SYN3: variants seen among roughly 807,000 people sequenced by gnomAD.
SYN3 encodes synapsin-3.
Under a neutral mutation model 65.8 loss-of-function variants are expected in SYN3, and 35 were observed. The observed-to-expected ratio is 0.53, with a 90% CI of 0.41 to 0.70. SYN3 has a LOEUF of 0.70. SYN3 is among the 30% of genes least tolerant of loss of function. The pLI is 0.00. For synonymous variants in SYN3, 270 were observed against 292.9 expected, an observed-to-expected ratio of 0.92 and a Z score of 0.80; for missense variants, 680 against 749.0, an observed-to-expected ratio of 0.91 and a Z score of 1.08.
rs529290795 is a variant in SYN3, at chr22:32,951,956, C to G, written c.370-20475G>C. Among the ~76,000 whole-genome samples the G allele has an allele frequency of 4.4e-4, 67 of 152,352 alleles. 2 individuals carry two copies. The South Asian group carries it at 0.014, about 32-fold the overall frequency. ...CGATGGCAGACACTTGGCAGGTGGC[C>G]TGAGGCCTGCAGTCAGCAAGAACTG... On this transcript the variant is annotated intron_variant, in intron 3 of 13. Transcript: ENST00000358763.
intron 6 of SYN3, among the ~76,000 whole-genome samples, chr22:32,710,201 C>T (rs2060940968): frequency 6.6e-6 from 1 of 150,852 alleles, no homozygotes; most frequent in Non-Finnish European, 1.5e-5. Flanking sequence ...GCCCAAATCT[C>T]ATGTGAAATG....
At chr22:32,973,431 A>C (rs1255039409) in intron 3 of SYN3, among the ~76,000 whole-genome samples, 1 of 152,120 alleles carries the variant, frequency 6.6e-6, no homozygotes, top group Non-Finnish European at 1.5e-5. Context: ...GCCAAAAAAG[A>C]AAAAGATTAA....
chr22:32,582,223 C>T (rs4821075), intron 7 of SYN3, among the ~76,000 whole-genome samples: 22 of 152,184 alleles, frequency 1.4e-4, no homozygotes, highest in African/African-American at 5.3e-4. Context: ...AATGCCTGGT[C>T]CCTTGGGCAT....
At chr22:32,607,846 T>C (rs2059391916) in intron 6 of SYN3, among the ~76,000 whole-genome samples, 1 of 152,228 alleles carries the variant, frequency 6.6e-6, no homozygotes, top group African/African-American at 2.4e-5. Context: ...ACACTCACCA[T>C]GCAGACAACA....
intron 7 of SYN3, among the ~76,000 whole-genome samples, chr22:32,585,246 G>A (rs146003306): frequency 0.018 from 2,712 of 152,292 alleles, 45 homozygotes; most frequent in Non-Finnish European, 0.022. Flanking sequence ...TCCCAGAGAA[G>A]CAGAGGCCCA....
intron 10 of SYN3, among the ~76,000 whole-genome samples, chr22:32,532,056 C>G (rs369687273): frequency 2.7e-4 from 41 of 152,162 alleles, no homozygotes; most frequent in African/African-American, 9.9e-4. Context: ...TCACAGGGGA[C>G]AGAGAGACTG....
At chr22:33,054,933 G>C (rs1285627275) in intron 1 of SYN3, among the ~76,000 whole-genome samples, 1 of 152,076 alleles carries the variant, frequency 6.6e-6, no homozygotes, top group Non-Finnish European at 1.5e-5. Context: ...AGCAAGTCCT[G>C]TCCATTTTGC....
intron 6 of SYN3, among the ~76,000 whole-genome samples, chr22:32,603,833 C>T (rs917891117): frequency 3.9e-5 from 6 of 152,356 alleles, no homozygotes; most frequent in Non-Finnish European, 2.9e-5. Flanking sequence ...CCCTGTCCCG[C>T]TCACATGCCC....
At chr22:32,735,804 C>T (rs1402421960) in intron 6 of SYN3, among the ~76,000 whole-genome samples, 31 of 152,166 alleles carry the variant, frequency 2.0e-4, no homozygotes, top group Non-Finnish European at 1.0e-4. Flanking sequence ...TCTTGGGCTC[C>T]CACTCATGTC....
At chr22:33,016,500 A>G (rs1032359476) in intron 1 of SYN3, among the ~76,000 whole-genome samples, 4 of 152,202 alleles carry the variant, frequency 2.6e-5, no homozygotes, top group African/African-American at 9.7e-5. Flanking sequence ...CATAAAGACA[A>G]AAAATTTACA....
In SYN3 at chr22:32,953,439, TGA is replaced by T. The variant is rs1332094153; in HGVS notation, c.370-21960_370-21959del. Among the ~76,000 whole-genome samples, 7 of 150,520 alleles carry T rather than the reference TGA, an allele frequency of 4.7e-5. No individual in the cohort carries two copies. The East Asian group carries it at 9.8e-4, about 21-fold the overall frequency. ...GGCAAGAAGACAGAGTGCCAGAAGTTGAGTTTTGTGTTAAATAAAGGGGTCAG... is the reference window on the plus strand; with the variant it reads ...GGCAAGAAGACAGAGTGCCAGAAGTTGTTTTGTGTTAAATAAAGGGGTCAG... On this transcript the variant is annotated intron_variant, in intron 3 of 13. Coordinates refer to ENST00000358763, the MANE Select transcript of SYN3 (RefSeq NM_003490.4).
chr22:32,521,157 C>A (rs946648412), intron 12 of SYN3, among the ~76,000 whole-genome samples: 2 of 152,104 alleles, frequency 1.3e-5, no homozygotes, highest in African/African-American at 4.8e-5. Context: ...AGTAATGAGG[C>A]TTTCAAAAAT....
chr22:32,802,628 C>G (rs1379312710), intron 6 of SYN3, among the ~76,000 whole-genome samples: 3 of 152,118 alleles, frequency 2.0e-5, no homozygotes, highest in Non-Finnish European at 4.4e-5. Context: ...CACTGAGACC[C>G]AACCCAGCTG....
intron 7 of SYN3, among the ~76,000 whole-genome samples, chr22:32,581,292 C>A (rs1476624670): frequency 6.6e-6 from 1 of 152,066 alleles, no homozygotes; most frequent in Non-Finnish European, 1.5e-5. Flanking sequence ...ATGTTTTTAG[C>A]AGAGACGGGT....
chr22:33,043,384 C>A (rs1374682204), intron 1 of SYN3, among the ~76,000 whole-genome samples: 1 of 152,072 alleles, frequency 6.6e-6, no homozygotes, highest in Non-Finnish European at 1.5e-5. Context: ...CCCGTCTCTA[C>A]TAAAAATACA....
intron 4 of SYN3, among the ~76,000 whole-genome samples, chr22:32,882,819 A>G (rs571366549): frequency 6.6e-6 from 1 of 152,214 alleles, no homozygotes; most frequent in South Asian, 2.1e-4. Context: ...GAACTTTGCA[A>G]TATGTATATG....
At chr22:33,031,037 C>T (rs1359155309) in intron 1 of SYN3, among the ~76,000 whole-genome samples, 1 of 152,166 alleles carries the variant, frequency 6.6e-6, no homozygotes, top group East Asian at 1.9e-4. Context: ...GCACAGAGAA[C>T]AGGCCCTGCT....
At chr22:32,671,327 TACAC>T (rs1450001570) in intron 6 of SYN3, among the ~76,000 whole-genome samples, 3 of 150,874 alleles carry the variant, frequency 2.0e-5, no homozygotes, top group South Asian at 2.1e-4. Flanking sequence ...TCCTGTCACA[TACAC>T]ACACCCATCC....
At chr22:32,718,857 G>A (rs147707307) in intron 6 of SYN3, among the ~76,000 whole-genome samples, 64 of 152,262 alleles carry the variant, frequency 4.2e-4, no homozygotes, top group African/African-American at 1.4e-3. Flanking sequence ...GGCACCCAGC[G>A]TTCCTTTTAA....
Sources: allele counts gnomAD v4.1 joint callset (sites outside exome capture counted in the v4.1 genomes callset), GRCh38; gene constraint gnomAD v4.1.1; transcripts MANE v1.5; gene names NCBI Gene and HGNC (gene_info 2026-07-23, HGNC 2026-07-21).